LCA5: variants seen among roughly 807,000 people sequenced by gnomAD.
LCA5 encodes the protein lebercilin LCA5, also known as lebercilin.
Under a neutral mutation model 53.0 loss-of-function variants are expected in LCA5, and 37 were observed. The observed-to-expected ratio is 0.70, with a 90% CI of 0.54 to 0.92. The LOEUF is 0.92. Ranked by LOEUF, LCA5 falls within the 40% of genes least tolerant of loss-of-function variation. The probability of loss-of-function intolerance (pLI) is 0.00; values close to 1 mark genes in which losing one functional copy is unlikely to be tolerated. For missense variants in LCA5, 806 were observed against 790.5 expected (o/e 1.02, Z -0.23); for synonymous variants, 303 against 282.9 (o/e 1.07, Z -0.71).
At chr6:79,492,992 A>G (rs1769884963) in intron 4 of LCA5, among the ~76,000 whole-genome samples, 1 of 152,092 alleles carries the variant, frequency 6.6e-6, no homozygotes, top group African/African-American at 2.4e-5. Flanking sequence ...AATATTGATG[A>G]GTTAAAAATT....
At chr6:79,510,948 C>T (rs1770394680) in intron 3 of LCA5, among the ~76,000 whole-genome samples, 1 of 151,896 alleles carries the variant, frequency 6.6e-6, no homozygotes, top group Non-Finnish European at 1.5e-5. Context: ...AGAAACTGGA[C>T]CACTTATACA....
intron 3 of LCA5, among the ~76,000 whole-genome samples, chr6:79,503,595 TTC>T (rs1371031303): frequency 2.0e-5 from 3 of 152,328 alleles, no homozygotes; most frequent in African/African-American, 4.8e-5. Flanking sequence ...TTTAGTATAT[TTC>T]TCTTTTTCCA....
chr6:79,510,753 C>A (rs931260919), intron 3 of LCA5, among the ~76,000 whole-genome samples: 2 of 152,038 alleles, frequency 1.3e-5, no homozygotes, highest in Admixed American at 6.6e-5. Flanking sequence ...AGCAAACAAT[C>A]CAATTAGGAA....
upstream of LCA5, among the ~76,000 whole-genome samples, chr6:79,537,671 T>C (rs1767197696): frequency 6.6e-6 from 1 of 152,226 alleles, no homozygotes; most frequent in Non-Finnish European, 1.5e-5. Flanking sequence ...GCTCGACTGC[T>C]GAGCGTCGTG....
chr6:79,514,077 T>C (rs1766353852), intron 2 of LCA5, among the ~76,000 whole-genome samples: 1 of 152,176 alleles, frequency 6.6e-6, no homozygotes, highest in African/African-American at 2.4e-5. Flanking sequence ...ATCAGCATCA[T>C]CAGCATTAGC....
In LCA5 at chr6:79,492,591, G is replaced by A. The variant is rs1222189804; in HGVS notation, c.915C>T (p.Ser305=). The A allele has an allele frequency of 6.4e-7, 1 of 1,570,834 alleles. No individual in the cohort carries two copies. The highest frequency in any genetic ancestry group is 2.3e-5 in the East Asian group (1 of 44,336). The part of the protein sequence containing the change: ...KNIYSNRLPK[S]SPNKEKELAL... ...CAAGTTCTTTCTCTTTATTTGGAGA[G>A]GACTTTGGCAGACGATTAGAATATA... Residue 305 remains serine (S), a synonymous_variant, in exon 5 of 8, where the codon TCC becomes TCT. Transcript: ENST00000369846.
chr6:79,488,360 T>TA (rs1329427739), intron 7 of LCA5: 1 of 155,392 alleles, frequency 6.4e-6, no homozygotes, highest in Admixed American at 6.5e-5. Flanking sequence ...TCAAAAATGT[T>TA]AATCTCTCAC....
In LCA5 at chr6:79,518,818, T is replaced by G. The variant is rs34068461; in HGVS notation, c.77A>C (p.Asp26Ala). 300,447 of 1,613,788 alleles carry G rather than the reference T, an allele frequency of 0.19. 28,988 individuals carry two copies. The highest frequency in any genetic ancestry group is 0.22 in the East Asian group (9,826 of 44,850). ...GCCAGAAGACTGTGGCGTTTCAAAA[T>G]CAGATAAGTAAGAATAATGGTGTTT... Reference protein sequence around the residue: ...AGKHHYSYLSDFETPQSSGRS... With the variant: ...AGKHHYSYLSAFETPQSSGRS... The change falls in exon 2 of 8, where the codon GAT becomes GCT. Residue 26 changes from aspartate (D) to alanine (A), a missense_variant. By Grantham distance (126) the Asp-to-Ala change is moderately radical. Coordinates refer to ENST00000369846, the MANE Select transcript of LCA5 (RefSeq NM_001122769.3).
intron 3 of LCA5, among the ~76,000 whole-genome samples, chr6:79,511,562 G>A (rs1770410601): frequency 6.6e-6 from 1 of 152,034 alleles, no homozygotes; most frequent in Non-Finnish European, 1.5e-5. Context: ...GTAGTCACAC[G>A]AATCTATACA....
intron 2 of LCA5, among the ~76,000 whole-genome samples, chr6:79,518,050 T>TG: frequency 6.6e-6 from 1 of 152,320 alleles, no homozygotes; most frequent in East Asian, 1.9e-4. Context: ...CTAACTACAA[T>TG]GGGGTTTTCT....
rs550772415 is a variant in LCA5, at chr6:79,487,680, T to G, written c.1418A>C (p.Glu473Ala). 2.5e-6 allele frequency: 4 copies of G among 1,613,922 alleles called. No homozygotes were observed. The Admixed American group carries it at 6.7e-5, about 27-fold the overall frequency. Residue 473 changes from glutamate (E) to alanine (A), a missense_variant, in exon 8 of 8, where the codon GAA becomes GCA. Transcript: ENST00000369846. ...KREMLLAKLN[E>A]IDRELQDSRN... ...AGAATCTTGGAGTTCTCTGTCAATTTCATTCAGTTTAGCAAGTAGCATTTC... is the reference window on the plus strand; with the variant it reads ...AGAATCTTGGAGTTCTCTGTCAATTGCATTCAGTTTAGCAAGTAGCATTTC...
chr6:79,511,105 C>A (rs1209265104), intron 3 of LCA5, among the ~76,000 whole-genome samples: 1 of 151,304 alleles, frequency 6.6e-6, no homozygotes. Context: ...ACCAAACATA[C>A]ATTTATCATA....
At chr6:79,526,279 C>T (rs961916411) in intron 1 of LCA5, among the ~76,000 whole-genome samples, 4 of 152,102 alleles carry the variant, frequency 2.6e-5, no homozygotes, top group Admixed American at 2.0e-4. Context: ...CGCGGTGGCT[C>T]ATGCCTGTAA....
chr6:79,487,225 T>G lies in LCA5; in HGVS notation c.1873A>C (p.Asn625His), dbSNP rs763366506. ...STISSKSSDPNSVASSKGDID... is the reference protein window; with the variant it reads ...STISSKSSDPHSVASSKGDID... ...TCTCCTTTACTGGAAGCCACAGAAT[T>G]TGGGTCACTGCTTTTGGAGGAAATG... Residue 625 changes from asparagine (N) to histidine (H), a missense_variant, in exon 8 of 8, where the codon AAT becomes CAT. Asn to His is a moderately conservative substitution (Grantham distance 68). Transcript: ENST00000369846. The G allele has an allele frequency of 1.9e-6, 3 of 1,614,024 alleles. No homozygotes were observed. Among genetic ancestry groups the G allele is most frequent in the East Asian group, 4.5e-5 (2 of 44,878 alleles).
intron 1 of LCA5, among the ~76,000 whole-genome samples, chr6:79,519,715 CA>C (rs397887695): frequency 0.034 from 1,716 of 50,010 alleles, 19 homozygotes; most frequent in South Asian, 0.11. Flanking sequence ...GACTCCATCT[CA>C]AAAAAAAAAA....
At chr6:79,516,400 T>G (rs2127681732) in intron 2 of LCA5, among the ~76,000 whole-genome samples, 1 of 152,036 alleles carries the variant, frequency 6.6e-6, no homozygotes, top group South Asian at 2.1e-4. Context: ...CCAAATATGG[T>G]TTTTATGTAC....
intron 1 of LCA5, among the ~76,000 whole-genome samples, chr6:79,529,121 T>G (rs200363921): frequency 2.0e-5 from 3 of 152,284 alleles, no homozygotes; most frequent in South Asian, 4.1e-4. Flanking sequence ...GTGAGGGGAC[T>G]AGCACAGAGA....
intron 4 of LCA5, among the ~76,000 whole-genome samples, chr6:79,493,112 G>C (rs947382139): frequency 6.6e-6 from 1 of 152,046 alleles, no homozygotes; most frequent in Admixed American, 6.5e-5. Context: ...TTTGCACTAT[G>C]TTACACAAAA....
At position 79,493,708 on chromosome 6, in the gene LCA5, G is replaced by T. The variant is rs151017794; in HGVS notation, c.763C>A (p.Arg255=). The T allele has an allele frequency of 6.2e-7, 1 of 1,613,164 alleles. No homozygotes were observed. The highest frequency in any genetic ancestry group is 1.3e-5 in the African/African-American group (1 of 74,816). Residue 255 remains arginine (R), a synonymous_variant, in exon 4 of 8, where the codon CGA becomes AGA. Coordinates refer to ENST00000369846, the MANE Select transcript of LCA5 (RefSeq NM_001122769.3). ...CTTTTCCTTTCAGCAAGCAACTGTC[G>T]TTGGAAACTGTTAGTACTCAGTTCA... is the stretch of plus-strand genomic sequence containing the variant. The part of the protein sequence containing the change: ...NLELSTNSFQ[R]QLLAERKRAY...
Sources: gnomAD v4.1 joint callset for allele counts (sites outside exome capture counted in the v4.1 genomes callset) on GRCh38, gnomAD v4.1.1 for gene constraint, MANE v1.5 for transcripts, NCBI Gene and HGNC (gene_info 2026-07-23, HGNC 2026-07-21) for gene names.